INPP5A: variants seen among roughly 807,000 people sequenced by gnomAD.
INPP5A encodes the protein inositol polyphosphate-5-phosphatase A.
A neutral mutation model predicts 65.2 loss-of-function variants in INPP5A; 14 were observed. The ratio of observed to expected loss-of-function variants is 0.21; its 90% CI spans 0.14 to 0.34. The LOEUF is 0.34. Among genes scored for constraint, INPP5A ranks in the 10% least tolerant of loss-of-function variants. The probability of loss-of-function intolerance (pLI) is 1.00; values close to 1 mark genes in which losing one functional copy is unlikely to be tolerated. For missense variants in INPP5A, 431 were observed against 545.6 expected, an observed-to-expected ratio of 0.79 and a Z score of 2.09; for synonymous variants, 207 against 208.3, an observed-to-expected ratio of 0.99 and a Z score of 0.05.
intron 4 of INPP5A, among the ~76,000 whole-genome samples, chr10:132,679,467 G>T (rs2073014824): frequency 6.6e-6 from 1 of 152,066 alleles, no homozygotes; most frequent in African/African-American, 2.4e-5. Flanking sequence ...TGGGACAGAC[G>T]GGCCACCCCA....
intron 1 of INPP5A, among the ~76,000 whole-genome samples, chr10:132,548,593 G>A (rs2071008349): frequency 6.6e-6 from 1 of 152,148 alleles, no homozygotes; most frequent in South Asian, 2.1e-4. Flanking sequence ...CCCCAGTTTT[G>A]AGACACTTCC....
At chr10:132,701,072 G>C (rs1434330727) in intron 6 of INPP5A, among the ~76,000 whole-genome samples, 2 of 152,202 alleles carry the variant, frequency 1.3e-5, no homozygotes, top group South Asian at 2.1e-4. Flanking sequence ...CTCTGAGCGG[G>C]CCTTCGGCGT....
At chr10:132,749,881 C>T (rs996745850) in intron 11 of INPP5A, 36 bp downstream of exon 11, 8 of 1,576,242 alleles carry the variant, frequency 5.1e-6, no homozygotes, top group Admixed American at 3.3e-5. Context: ...CTCCCCCGTC[C>T]TGGGACATCC....
At position 132,707,341 on chromosome 10, in the gene INPP5A, A is replaced by C. The variant is rs959362567; in HGVS notation, c.475-972A>C. Among the ~76,000 whole-genome samples the C allele has an allele frequency of 3.5e-5, 5 of 141,740 alleles. No individual in the cohort carries two copies. In the Admixed American group the frequency reaches 3.6e-4, roughly 10 times the overall value. The allele number at this position is 141,740 out of a possible 152,430, so 93.0% of individuals were successfully genotyped here. A position where few individuals can be genotyped will look rare whatever the true frequency, so the allele number is the denominator to read the frequency against. On this transcript the variant is annotated intron_variant, in intron 6 of 15. Coordinates refer to ENST00000368594, the MANE Select transcript of INPP5A (RefSeq NM_005539.5). The surrounding 1 kb of genome is among the most constrained non-coding windows in gnomAD (Gnocchi z 5.5). ...CCCTGTTGGCTGCCGTTCCCCCGCC[A>C]CTGCCTGAAGCGCTTTGCTTTGTGG... is the stretch of plus-strand genomic sequence containing the variant.
In INPP5A at chr10:132,731,496, G is replaced by A. The variant is rs532769832; in HGVS notation, c.732+4591G>A. On this transcript the variant is annotated intron_variant, in intron 9 of 15. Coordinates refer to ENST00000368594, the MANE Select transcript of INPP5A (RefSeq NM_005539.5). ...CTGGGAGTGACCGCATCCCTCCTGC[G>A]TATCAGACGACCCTGGGAGTGACCG... is the stretch of plus-strand genomic sequence containing the variant. Among the ~76,000 whole-genome samples, 7 of 151,936 alleles carry A rather than the reference G, an allele frequency of 4.6e-5. No individual in the cohort carries two copies. In the South Asian group the frequency reaches 6.3e-4, roughly 14 times the overall value.
At position 132,637,659 on chromosome 10, in the gene INPP5A, T is replaced by C. The variant is rs2072375114; in HGVS notation, c.118-8209T>C. ...GGCGCCTGCTGTGGCTGTCCTCCTC[T>C]GTCATGACTGTTCTGTGCTTTGCCT... On this transcript the variant is annotated intron_variant, in intron 2 of 15. Transcript: ENST00000368594. This position sits in a 1 kb window ranked among gnomAD's most constrained non-coding sequence, Gnocchi z 4.1. 6.6e-6 allele frequency among the ~76,000 whole-genome samples: 1 copy of C among 152,216 alleles called. No homozygotes were observed. The highest frequency in any genetic ancestry group is 1.5e-5 in the Non-Finnish European group (1 of 68,042).
At chr10:132,541,047 G>A (rs1447782402) in intron 1 of INPP5A, among the ~76,000 whole-genome samples, 1 of 146,238 alleles carries the variant, frequency 6.8e-6, no homozygotes, top group African/African-American at 2.5e-5. Flanking sequence ...CTAGAGTGCT[G>A]TAGTGGTGCG....
At chr10:132,668,176 C>T (rs945016451) in intron 4 of INPP5A, among the ~76,000 whole-genome samples, 2 of 152,170 alleles carry the variant, frequency 1.3e-5, no homozygotes, top group African/African-American at 4.8e-5. Context: ...GCTCCTGCAG[C>T]CCAGCCCCAC....
intron 1 of INPP5A, among the ~76,000 whole-genome samples, chr10:132,584,332 T>C (rs1409043169): frequency 6.6e-6 from 1 of 152,254 alleles, no homozygotes; most frequent in Non-Finnish European, 1.5e-5. Context: ...CTTCTTTAGG[T>C]GTTTAATGGA....
chr10:132,758,635 C>T (rs888096303), intron 11 of INPP5A, among the ~76,000 whole-genome samples: 1 of 129,922 alleles, frequency 7.7e-6, no homozygotes, highest in Non-Finnish European at 1.8e-5. Flanking sequence ...GCTGACCCGA[C>T]AGCACAGCAC....
At chr10:132,593,179 A>G (rs2071640242) in intron 1 of INPP5A, among the ~76,000 whole-genome samples, 1 of 152,118 alleles carries the variant, frequency 6.6e-6, no homozygotes, top group African/African-American at 2.4e-5. Flanking sequence ...TCAGCTGGAG[A>G]TGGAGCTTCA....
At chr10:132,687,683 C>A (rs1204033908) in intron 4 of INPP5A, among the ~76,000 whole-genome samples, 1 of 152,172 alleles carries the variant, frequency 6.6e-6, no homozygotes, top group Non-Finnish European at 1.5e-5. Context: ...CCATGGTTAC[C>A]CTGCAGCTTT....
At chr10:132,562,283 C>T (rs376083106) in intron 1 of INPP5A, among the ~76,000 whole-genome samples, 8 of 152,376 alleles carry the variant, frequency 5.3e-5, no homozygotes, top group African/African-American at 1.9e-4. Flanking sequence ...CCCAGGGAAC[C>T]TGGGAGGCAC....
chr10:132,697,544 G>C lies in INPP5A; in HGVS notation c.371-272G>C, dbSNP rs1388648420. ...CGGGTTTAAAAGAGGATGCCAATTA[G>C]CTCCTGTAAATCTGCAGTCTGGGAG... On this transcript the variant is annotated intron_variant, in intron 5 of 15. Coordinates refer to ENST00000368594, the MANE Select transcript of INPP5A (RefSeq NM_005539.5). The surrounding 1 kb of genome is among the most constrained non-coding windows in gnomAD (Gnocchi z 5.6). Among the ~76,000 whole-genome samples, 1 of 152,232 alleles carries C rather than the reference G, an allele frequency of 6.6e-6. No homozygotes were observed. Among genetic ancestry groups the C allele is most frequent in the Non-Finnish European group, 1.5e-5 (1 of 68,034 alleles).
In INPP5A at chr10:132,698,039, T is replaced by G. The variant is rs1845373990; in HGVS notation, c.474+120T>G. ...CTAGTCACAGCTGCCTGTTGTTACCTCCGATAATCTGTCTTCCTGGGAGTC... is the reference window on the plus strand; with the variant it reads ...CTAGTCACAGCTGCCTGTTGTTACCGCCGATAATCTGTCTTCCTGGGAGTC... On this transcript the variant is annotated intron_variant, in intron 6 of 15. Coordinates refer to ENST00000368594, the MANE Select transcript of INPP5A (RefSeq NM_005539.5). The surrounding 1 kb of genome is among the most constrained non-coding windows in gnomAD (Gnocchi z 5.5). 1 of 689,044 alleles carries G rather than the reference T, an allele frequency of 1.5e-6. No individual in the cohort carries two copies. Among genetic ancestry groups the G allele is most frequent in the Non-Finnish European group, 2.6e-6 (1 of 380,198 alleles). The allele number at this position is 689,044 out of a possible 1,614,324, so 42.7% of individuals were successfully genotyped here.
At chr10:132,781,036 G>C in intron 14 of INPP5A, 119 bp downstream of exon 14, 1 of 722,558 alleles carries the variant, frequency 1.4e-6, no homozygotes. Context: ...GGCGGGGGTT[G>C]GCCAGTCTCT....
intron 1 of INPP5A, among the ~76,000 whole-genome samples, chr10:132,561,453 C>T (rs2071204768): frequency 6.6e-6 from 1 of 151,940 alleles, no homozygotes; most frequent in African/African-American, 2.4e-5. Flanking sequence ...TTTGAAAAGA[C>T]TATTCTTCCT....
chr10:132,635,878 T>G (rs1404239607), intron 2 of INPP5A, among the ~76,000 whole-genome samples: 1 of 148,476 alleles, frequency 6.7e-6, no homozygotes, highest in Non-Finnish European at 1.5e-5. Context: ...GGCTGGAGGC[T>G]AAGCCAGAAG....
At chr10:132,577,571 C>T (rs1174637890) in intron 1 of INPP5A, among the ~76,000 whole-genome samples, 1 of 152,202 alleles carries the variant, frequency 6.6e-6, no homozygotes, top group African/African-American at 2.4e-5. Flanking sequence ...GGCCTGAGCC[C>T]CCCATGGGGT....
Sources: allele counts gnomAD v4.1 joint callset (sites outside exome capture counted in the v4.1 genomes callset), GRCh38; gene constraint gnomAD v4.1.1; non-coding constraint Gnocchi (gnomAD v3.1); transcripts MANE v1.5; gene names NCBI Gene and HGNC (gene_info 2026-07-23, HGNC 2026-07-21).